Variants in XPO4 observed in about 807,000 individuals in gnomAD.
XPO4 encodes the protein exportin 4, also known as exportin-4.
A neutral mutation model predicts 143.0 loss-of-function variants in XPO4; 39 were observed. That is an observed-to-expected ratio of 0.27 (90% CI 0.21 to 0.36). The LOEUF is 0.36. Among genes scored for constraint, XPO4 ranks in the 10% least tolerant of loss-of-function variants. The pLI is 1.00. For synonymous variants in XPO4, 439 were observed against 474.0 expected (o/e 0.93, Z 0.96); for missense variants, 907 against 1,348.0 (o/e 0.67, Z 5.12).
At chr13:20,858,074 G>T in intron 3 of XPO4, 2 of 697,570 alleles carry the variant, frequency 2.9e-6, no homozygotes, top group Non-Finnish European at 3.5e-6. Flanking sequence ...AAATATCTGT[G>T]TCATGAAAGG....
At chr13:20,826,186 C>T (rs147252561) in intron 7 of XPO4, among the ~76,000 whole-genome samples, 3 of 152,188 alleles carry the variant, frequency 2.0e-5, no homozygotes, top group African/African-American at 4.8e-5. Context: ...AGCTTTTGAC[C>T]GTTTTATTGG....
chr13:20,804,470 T>C (rs1255380717), intron 13 of XPO4, among the ~76,000 whole-genome samples: 5 of 145,134 alleles, frequency 3.4e-5, no homozygotes, highest in African/African-American at 2.5e-5. Flanking sequence ...TCCTATAACA[T>C]TGCTGCTTAT....
chr13:20,892,313 C>G (rs1017014477), intron 1 of XPO4, among the ~76,000 whole-genome samples: 1 of 152,112 alleles, frequency 6.6e-6, no homozygotes, highest in Non-Finnish European at 1.5e-5. Flanking sequence ...GTCTCAAACT[C>G]CTGACTTCAG....
intron 13 of XPO4, among the ~76,000 whole-genome samples, chr13:20,806,542 T>C (rs2059507351): frequency 3.9e-4 from 1 of 2,532 alleles, no homozygotes; most frequent in Admixed American, 5.9e-3. Context: ...CAGGACCCTT[T>C]TTTTTTTTTT....
At chr13:20,813,229 A>T (rs1451088657) in intron 9 of XPO4, among the ~76,000 whole-genome samples, 1 of 152,158 alleles carries the variant, frequency 6.6e-6, no homozygotes, top group Non-Finnish European at 1.5e-5. Flanking sequence ...GTATTACAAG[A>T]TTACAATTCG....
chr13:20,866,127 C>G (rs747979078), intron 2 of XPO4: 65 of 983,938 alleles, frequency 6.6e-5, no homozygotes, highest in Non-Finnish European at 7.7e-5. Context: ...TTTAAAGGAA[C>G]ATTTGATCCT....
intron 9 of XPO4, among the ~76,000 whole-genome samples, chr13:20,814,192 C>CA (rs35203359): frequency 0.14 from 14,037 of 97,710 alleles, 855 homozygotes; most frequent in Non-Finnish European, 0.18. Flanking sequence ...ACCCAGTCTC[C>CA]AAAAAAAAAA....
intron 4 of XPO4, chr13:20,850,121 C>T (rs563526068): frequency 4.1e-6 from 4 of 984,930 alleles, no homozygotes; most frequent in Non-Finnish European, 4.8e-6. Context: ...AAACCACACA[C>T]AAATGATTAG....
chr13:20,787,096 G>T, intron 21 of XPO4, 39 bp from the exon 22 acceptor site: 1 of 1,505,222 alleles, frequency 6.6e-7, no homozygotes, highest in Non-Finnish European at 9.0e-7. Flanking sequence ...AACATAGGAT[G>T]ATCATATATC....
chr13:20,802,991 C>T (rs2059455069), intron 13 of XPO4, among the ~76,000 whole-genome samples: 1 of 152,122 alleles, frequency 6.6e-6, no homozygotes, highest in Admixed American at 6.5e-5. Flanking sequence ...ACTTAGTACA[C>T]GTATCTTTGA....
intron 1 of XPO4, among the ~76,000 whole-genome samples, chr13:20,870,089 C>CAAAAAAAAAAAAAAAAAAAAAAAAAAAAA (rs59710121): frequency 1.0e-5 from 1 of 98,932 alleles, no homozygotes; most frequent in African/African-American, 4.5e-5. Flanking sequence ...GAAGGAGTCT[C>CAAAAAAAAAAAAAAAAAAAAAAAAAAAAA]AAAAAAAAAA....
intron 4 of XPO4, chr13:20,851,868 T>A: frequency 1.0e-6 from 1 of 985,406 alleles, no homozygotes; most frequent in Non-Finnish European, 1.2e-6. Context: ...ACTGAACAGC[T>A]ATATCTGTTC....
rs1353449370 is a variant in XPO4, at chr13:20,799,217, A to G, written c.2270T>C (p.Leu757Ser). 6.2e-7 allele frequency: 1 copy of G among 1,613,108 alleles called. No homozygotes were observed. The highest frequency in any genetic ancestry group is 2.2e-5 in the East Asian group (1 of 44,866). ...VQRTLMKALV[L>S]GGFAHMDTET... ...TGTGTCCATATGTGCAAAACCTCCTAAGACTAGAGCCTTCATCAATGTCCT... is the reference window on the plus strand; with the variant it reads ...TGTGTCCATATGTGCAAAACCTCCTGAGACTAGAGCCTTCATCAATGTCCT... Residue 757 changes from leucine to serine, a missense_variant, in exon 16 of 23, where the codon TTA (leucine) becomes TCA (serine). Physicochemically the swap from Leu to Ser is moderately radical, Grantham distance 145. Coordinates refer to ENST00000255305, the MANE Select transcript of XPO4 (RefSeq NM_022459.5).
At chr13:20,849,197 C>T in intron 4 of XPO4, 1 of 985,390 alleles carries the variant, frequency 1.0e-6, no homozygotes, top group Non-Finnish European at 1.2e-6. Flanking sequence ...CAAGAATAAA[C>T]TTTATGAAAG....
intron 1 of XPO4, among the ~76,000 whole-genome samples, chr13:20,879,837 C>G (rs2060389323): frequency 6.6e-6 from 1 of 152,070 alleles, no homozygotes; most frequent in Admixed American, 6.6e-5. Flanking sequence ...AGATTAATAT[C>G]TGTAATCTAT....
intron 6 of XPO4, 47 bp from the exon 7 acceptor site, chr13:20,827,226 AAAGTAT>A (rs773092189): frequency 1.5e-6 from 2 of 1,361,756 alleles, no homozygotes; most frequent in South Asian, 1.2e-5. Flanking sequence ...TACTTTGTCT[AAAGTAT>A]AAGTATATCC....
At chr13:20,845,321 T>C (rs999962603) in intron 4 of XPO4, among the ~76,000 whole-genome samples, 7 of 152,296 alleles carry the variant, frequency 4.6e-5, no homozygotes, top group South Asian at 2.1e-4. Context: ...TGGAAGTAAA[T>C]GCAAATTCTC....
At chr13:20,854,725 T>G (rs1167601576) in intron 4 of XPO4, among the ~76,000 whole-genome samples, 1 of 152,152 alleles carries the variant, frequency 6.6e-6, no homozygotes, top group Non-Finnish European at 1.5e-5. Context: ...TCCTCCTGCC[T>G]CAGACAGAGT....
intron 22 of XPO4, 27 bp downstream of exon 22, chr13:20,786,938 T>C (rs1324866417): frequency 5.2e-6 from 8 of 1,526,768 alleles, no homozygotes; most frequent in Non-Finnish European, 7.0e-6. Flanking sequence ...ATGAGAAGAG[T>C]CCCCTGAAAA....
Sources: gnomAD v4.1 joint callset for allele counts (sites outside exome capture counted in the v4.1 genomes callset) on GRCh38, gnomAD v4.1.1 for gene constraint, MANE v1.5 for transcripts, NCBI Gene and HGNC (gene_info 2026-07-23, HGNC 2026-07-21) for gene names.